The following KRT7 variants were observed in gnomAD, a reference collection of about 807,000 sequenced individuals.
KRT7 encodes the protein keratin, type II cytoskeletal 7.
Under a neutral mutation model 42.8 loss-of-function variants are expected in KRT7, and 50 were observed. The ratio of observed to expected loss-of-function variants is 1.17; its 90% CI spans 0.93 to 1.48. The LOEUF (loss-of-function observed/expected upper bound fraction) is 1.48. Ranked by LOEUF, KRT7 falls within the 40% of genes most tolerant of loss-of-function variation. The pLI, the probability that KRT7 is intolerant of heterozygous loss-of-function variation, is 0.00. For missense variants in KRT7, 588 were observed against 637.6 expected, an observed-to-expected ratio of 0.92 and a Z score of 0.84; for synonymous variants, 268 against 266.3, an observed-to-expected ratio of 1.01 and a Z score of -0.06.
intron 3 of KRT7, 157 bp downstream of exon 3, chr12:52,237,726 ATGTGTG>A (rs10546862): frequency 0.024 from 8,320 of 343,838 alleles, 3 homozygotes; most frequent in East Asian, 0.097. Flanking sequence ...GGGTGCGTGT[ATGTGTG>A]TGTGTGTGTG....
chr12:52,243,915 C>A (rs1042047358), intron 6 of KRT7, among the ~76,000 whole-genome samples: 6 of 152,278 alleles, frequency 3.9e-5, no homozygotes, highest in Non-Finnish European at 8.8e-5. Flanking sequence ...CTGCTCCTCT[C>A]TTCCAGCACC....
At chr12:52,245,904 T>C in intron 7 of KRT7, 1 of 476,126 alleles carries the variant, frequency 2.1e-6, no homozygotes, top group East Asian at 3.8e-5. Context: ...TCATATTTGA[T>C]CCTCAGCACA....
At chr12:52,235,447 C>G (rs1942000814) in intron 2 of KRT7, 81 bp downstream of exon 2, 1 of 1,235,268 alleles carries the variant, frequency 8.1e-7, no homozygotes, top group Non-Finnish European at 1.1e-6. Context: ...GCAAGTCCCC[C>G]TGCTTCAGGA....
chr12:52,251,981 A>G (rs1240199267), downstream of KRT7: 2 of 629,722 alleles, frequency 3.2e-6, no homozygotes, highest in Admixed American at 2.1e-5. Context: ...TTGCCTGCCC[A>G]GAACCCCAAG....
chr12:52,244,928 T>G (rs1942146394), intron 6 of KRT7: 1 of 171,958 alleles, frequency 5.8e-6, no homozygotes, highest in Non-Finnish European at 1.2e-5. Flanking sequence ...TGGTTTCTGG[T>G]CTTTGTCAGC....
downstream of KRT7, chr12:52,252,559 C>G: frequency 6.5e-7 from 1 of 1,532,418 alleles, no homozygotes; most frequent in East Asian, 2.4e-5. Flanking sequence ...TGACCACTGA[C>G]TAGCAGAAGA....
downstream of KRT7, chr12:52,253,625 C>T (rs778905630): frequency 3.8e-6 from 6 of 1,563,306 alleles, no homozygotes; most frequent in Admixed American, 8.6e-5. Flanking sequence ...AGGACTCGGC[C>T]TCGGCCCGGC....
Position 52,235,433 on chromosome 12 carries a change from C to T in KRT7, c.536+67C>T, listed in dbSNP as rs1942000439. The T allele has an allele frequency of 3.0e-6, 4 of 1,349,418 alleles. No individual in the cohort carries two copies. In the Admixed American group the frequency reaches 8.7e-5, roughly 29 times the overall value. The allele number at this position is 1,349,418 out of a possible 1,614,324, so 83.6% of individuals were successfully genotyped here. A position where few individuals can be genotyped will look rare whatever the true frequency, so the allele number is the denominator to read the frequency against. Reference sequence around the variant, plus strand: ...CCAATGTGACCCTCATGAGCTGACCCTGTGCAAGTCCCCCTGCTTCAGGAA... The same window carrying T: ...CCAATGTGACCCTCATGAGCTGACCTTGTGCAAGTCCCCCTGCTTCAGGAA... On this transcript the variant is annotated intron_variant, in intron 2 of 8. Coordinates refer to ENST00000331817, the MANE Select transcript of KRT7 (RefSeq NM_005556.4).
At chr12:52,242,161 C>T (rs762205491) in intron 5 of KRT7, among the ~76,000 whole-genome samples, 5 of 151,962 alleles carry the variant, frequency 3.3e-5, no homozygotes, top group East Asian at 1.9e-4. Flanking sequence ...TGAGTAGAGA[C>T]GAGGTTTCAC....
downstream of KRT7, chr12:52,255,279 T>G: frequency 2.2e-6 from 1 of 451,336 alleles, no homozygotes; most frequent in Non-Finnish European, 4.5e-6. Context: ...AGCTCAAACC[T>G]TTGGGTCTAG....
At chr12:52,248,311 G>A (rs1024625567) in intron 8 of KRT7, 100 bp downstream of exon 8, 25 of 1,226,258 alleles carry the variant, frequency 2.0e-5, no homozygotes, top group Non-Finnish European at 2.9e-5. Context: ...TGCTGGAGGG[G>A]CCAGGAGACT....
chr12:52,243,740 G>A (rs1053188306), intron 6 of KRT7, among the ~76,000 whole-genome samples: 1 of 152,196 alleles, frequency 6.6e-6, no homozygotes, highest in Non-Finnish European at 1.5e-5. Flanking sequence ...CTCAGAGACG[G>A]CACTCTCAAA....
chr12:52,236,191 T>C (rs1400856542), intron 2 of KRT7, among the ~76,000 whole-genome samples: 1 of 73,496 alleles, frequency 1.4e-5, no homozygotes, highest in Non-Finnish European at 2.5e-5. Context: ...AAGGTCTCTG[T>C]GGAGTGCCCC....
chr12:52,252,484 G>A (rs1942281407), downstream of KRT7: 1 of 1,613,778 alleles, frequency 6.2e-7, no homozygotes, highest in Non-Finnish European at 8.5e-7. Flanking sequence ...TTGGAGTTCT[G>A]GGAGGCAAGG....
intron 3 of KRT7, 21 bp downstream of exon 3, chr12:52,237,590 C>A: frequency 6.5e-7 from 1 of 1,544,810 alleles, no homozygotes; most frequent in Non-Finnish European, 8.7e-7. Flanking sequence ...AAGACAGGCT[C>A]GAGGAGGGTT....
intron 6 of KRT7, chr12:52,244,288 C>T (rs1942137456): frequency 1.0e-6 from 1 of 982,260 alleles, no homozygotes; most frequent in Admixed American, 6.1e-5. Flanking sequence ...GCTTCCAGGC[C>T]AGGAGGGGAA....
At chr12:52,251,990 A>G (rs1283578920), downstream of KRT7, 9 of 646,128 alleles carry the variant, frequency 1.4e-5, 1 homozygote, top group South Asian at 1.4e-4. Context: ...CAGAACCCCA[A>G]GCTGTTATTT....
Position 52,235,306 on chromosome 12 carries a change from G to C in KRT7, c.476G>C (p.Gly159Ala), listed in dbSNP as rs1056043991. Residue 159 changes from glycine to alanine, a missense_variant, in exon 2 of 9, where the codon GGG (glycine) becomes GCG (alanine). By Grantham distance (60) the Gly-to-Ala change is moderately conservative. Coordinates refer to ENST00000331817, the MANE Select transcript of KRT7 (RefSeq NM_005556.4). ...RGQLEALQVDGGRLEAELRSM... is the reference protein window; with the variant it reads ...RGQLEALQVDAGRLEAELRSM... The stretch of plus-strand genomic sequence containing the variant: ...CAGCTTGAGGCACTGCAGGTGGATG[G>C]GGGCCGCCTGGAGGCGGAGCTGCGG... 14 of 1,613,872 alleles carry C rather than the reference G, an allele frequency of 8.7e-6. No homozygotes were observed. The highest frequency in any genetic ancestry group is 1.1e-5 in the Non-Finnish European group (13 of 1,179,984).
chr12:52,234,620 T>A (rs1008284575), intron 1 of KRT7, among the ~76,000 whole-genome samples: 3 of 152,086 alleles, frequency 2.0e-5, no homozygotes, highest in African/African-American at 7.2e-5. Context: ...GAGCTGCTGG[T>A]TTTGCAGAGG....
Sources: gnomAD v4.1 joint callset for allele counts (sites outside exome capture counted in the v4.1 genomes callset) on GRCh38, gnomAD v4.1.1 for gene constraint, MANE v1.5 for transcripts, NCBI Gene and HGNC (gene_info 2026-07-23, HGNC 2026-07-21) for gene names.